Variants in UNC5D observed in about 807,000 individuals in gnomAD.
UNC5D encodes netrin receptor UNC5D.
UNC5D carries 39 observed loss-of-function variants against 105.4 expected under a neutral mutation model. That is an observed-to-expected ratio of 0.37 (90% confidence interval 0.29 to 0.48). The LOEUF (loss-of-function observed/expected upper bound fraction) is 0.48, where lower values mean the gene tolerates loss of function less well. UNC5D is among the 20% of genes least tolerant of loss of function. The probability of loss-of-function intolerance (pLI) is 0.98; values close to 1 mark genes in which losing one functional copy is unlikely to be tolerated. For missense variants in UNC5D, 991 were observed against 1,202.4 expected (o/e 0.82, Z 2.60); for synonymous variants, 452 against 450.4 (o/e 1.00, Z -0.04).
chr8:35,380,690 G>T (rs1276689929), intron 1 of UNC5D, among the ~76,000 whole-genome samples: 1 of 152,100 alleles, frequency 6.6e-6, no homozygotes, highest in Non-Finnish European at 1.5e-5. Context: ...AGTAAAATTA[G>T]AATTTAGATG....
In UNC5D at chr8:35,791,396, G is replaced by C. The variant is rs555244067; in HGVS notation, c.*833G>C. The C allele has an allele frequency of 1.3e-5, 2 of 152,276 alleles. No homozygotes were observed. Among genetic ancestry groups the C allele is most frequent in the African/African-American group, 4.8e-5 (2 of 41,540 alleles). The allele number at this position is 152,276 out of a possible 1,614,324, so 9.4% of individuals were successfully genotyped here. A position where few individuals can be genotyped will look rare whatever the true frequency, so the allele number is the denominator to read the frequency against. ...AATTGCTGAGTGCTATTAGAACACA[G>C]CTTATTACATGGATATGGGGACAGG... is the stretch of plus-strand genomic sequence containing the variant. On this transcript the variant is annotated 3_prime_UTR_variant, in exon 17 of 17. Transcript: ENST00000404895.
intron 14 of UNC5D, among the ~76,000 whole-genome samples, chr8:35,762,290 A>G (rs560708112): frequency 5.0e-4 from 76 of 152,260 alleles, no homozygotes; most frequent in African/African-American, 1.6e-3. Flanking sequence ...GGGCCCTGAG[A>G]TATGCGATGA....
At chr8:35,466,789 A>T (rs1809337874) in intron 1 of UNC5D, among the ~76,000 whole-genome samples, 1 of 152,220 alleles carries the variant, frequency 6.6e-6, no homozygotes. Flanking sequence ...ATATTGAAAT[A>T]AAAACAATCT....
intron 4 of UNC5D, among the ~76,000 whole-genome samples, chr8:35,679,854 T>G (rs1825538780): frequency 6.6e-6 from 1 of 152,158 alleles, no homozygotes; most frequent in African/African-American, 2.4e-5. Flanking sequence ...TTCTTACCGT[T>G]CTGGAGGCTG....
chr8:35,500,234 G>A (rs867279878), intron 1 of UNC5D, among the ~76,000 whole-genome samples: 8 of 152,146 alleles, frequency 5.3e-5, no homozygotes, highest in Non-Finnish European at 1.2e-4. Flanking sequence ...CATAGTGCTA[G>A]CATCTGTTGA....
At chr8:35,512,660 C>G (rs1025323680) in intron 1 of UNC5D, among the ~76,000 whole-genome samples, 2 of 146,452 alleles carry the variant, frequency 1.4e-5, no homozygotes, top group Non-Finnish European at 3.0e-5. Context: ...TATCTAGCTT[C>G]AACAGTCTGC....
At chr8:35,644,919 A>G (rs527304041) in intron 4 of UNC5D, among the ~76,000 whole-genome samples, 64 of 152,288 alleles carry the variant, frequency 4.2e-4, no homozygotes, top group African/African-American at 1.5e-3. Flanking sequence ...GAATTCTGAT[A>G]TTGATTCTTT....
chr8:35,782,368 T>G (rs1802540000), intron 16 of UNC5D, among the ~76,000 whole-genome samples: 1 of 152,314 alleles, frequency 6.6e-6, no homozygotes, highest in South Asian at 2.1e-4. Flanking sequence ...ATATTAATAT[T>G]TTTCCATTAT....
intron 3 of UNC5D, among the ~76,000 whole-genome samples, chr8:35,577,575 A>G (rs1586171116): frequency 6.6e-6 from 1 of 152,346 alleles, no homozygotes; most frequent in South Asian, 2.1e-4. Flanking sequence ...TAAAAGATGA[A>G]TGAATGAATG....
intron 4 of UNC5D, among the ~76,000 whole-genome samples, chr8:35,601,480 A>G (rs2130928185): frequency 6.6e-6 from 1 of 152,230 alleles, no homozygotes; most frequent in Middle Eastern, 3.4e-3. Context: ...TTCATTGAGC[A>G]GTGGTTTGTA....
intron 1 of UNC5D, among the ~76,000 whole-genome samples, chr8:35,309,762 A>T (rs1808732256): frequency 6.6e-6 from 1 of 152,166 alleles, no homozygotes; most frequent in African/African-American, 2.4e-5. Flanking sequence ...TAGGGAACTT[A>T]TTTAAAATGC....
At chr8:35,634,109 C>T (rs1272956839) in intron 4 of UNC5D, among the ~76,000 whole-genome samples, 1 of 152,150 alleles carries the variant, frequency 6.6e-6, no homozygotes, top group African/African-American at 2.4e-5. Flanking sequence ...ACATCGTAGT[C>T]CAGTTAATGT....
intron 1 of UNC5D, among the ~76,000 whole-genome samples, chr8:35,426,748 A>G (rs1300903102): frequency 6.6e-6 from 1 of 152,210 alleles, no homozygotes; most frequent in Non-Finnish European, 1.5e-5. Context: ...GAAATTAAAC[A>G]GCAGGGAGAT....
At chr8:35,484,028 A>G (rs1224403633) in intron 1 of UNC5D, among the ~76,000 whole-genome samples, 1 of 152,122 alleles carries the variant, frequency 6.6e-6, no homozygotes, top group East Asian at 1.9e-4. Context: ...CTAGAGACCT[A>G]CTTTCAATTG....
intron 5 of UNC5D, among the ~76,000 whole-genome samples, chr8:35,684,067 C>A (rs890986109): frequency 3.3e-5 from 5 of 152,272 alleles, no homozygotes; most frequent in Non-Finnish European, 5.9e-5. Context: ...TCAAACCCAA[C>A]ACTCACCCCA....
intron 11 of UNC5D, among the ~76,000 whole-genome samples, chr8:35,740,332 G>A (rs1342894670): frequency 1.3e-5 from 2 of 152,198 alleles, no homozygotes; most frequent in Non-Finnish European, 2.9e-5. Context: ...AGGAATATCA[G>A]AGGGAGAGAC....
At chr8:35,375,881 G>A (rs1403691182) in intron 1 of UNC5D, among the ~76,000 whole-genome samples, 1 of 152,108 alleles carries the variant, frequency 6.6e-6, no homozygotes, top group East Asian at 1.9e-4. Context: ...ATGATTTTTA[G>A]ATTTTTAATA....
chr8:35,711,026 C>A lies in UNC5D; in HGVS notation c.1117+5065C>A, dbSNP rs370691585. ...TGATCTCGGCTCACTGCAAGCTCTG[C>A]CTCCCGGGTTCACGCCATTCTCCTG... On this transcript the variant is annotated intron_variant, in intron 8 of 16. Coordinates refer to ENST00000404895, the MANE Select transcript of UNC5D (RefSeq NM_080872.4). Among the ~76,000 whole-genome samples, 245 of 129,846 alleles carry A rather than the reference C, an allele frequency of 1.9e-3. 4 individuals carry two copies. Among genetic ancestry groups the A allele is most frequent in the African/African-American group, 9.1e-3 (238 of 26,112 alleles). The allele number at this position is 129,846 out of a possible 152,430, so 85.2% of individuals were successfully genotyped here.
chr8:35,622,680 T>G (rs1433781312), intron 4 of UNC5D, among the ~76,000 whole-genome samples: 1 of 152,156 alleles, frequency 6.6e-6, no homozygotes. Flanking sequence ...TAATAAGACT[T>G]TTTTTATGTT....
Sources: gnomAD v4.1 joint callset for allele counts (sites outside exome capture counted in the v4.1 genomes callset) on GRCh38, gnomAD v4.1.1 for gene constraint, MANE v1.5 for transcripts, NCBI Gene and HGNC (gene_info 2026-07-23, HGNC 2026-07-21) for gene names.